The following PITRM1 variants were observed in gnomAD, a reference collection of about 807,000 sequenced individuals.
PITRM1 encodes presequence protease, mitochondrial.
PITRM1 carries 100 observed loss-of-function variants against 129.9 expected under a neutral mutation model. The ratio of observed to expected loss-of-function variants is 0.77; its 90% CI spans 0.65 to 0.91. The LOEUF (loss-of-function observed/expected upper bound fraction) is 0.91, where lower values mean the gene tolerates loss of function less well. Among genes scored for constraint, PITRM1 ranks in the 40% least tolerant of loss-of-function variants. The pLI is 0.00. For synonymous variants in PITRM1, 591 were observed against 508.8 expected, an observed-to-expected ratio of 1.16 and a Z score of -2.17; for missense variants, 1,471 against 1,318.3, an observed-to-expected ratio of 1.12 and a Z score of -1.79.
chr10:3,172,644 C>G (rs1843486497), intron 1 of PITRM1, 73 bp downstream of exon 1: 1 of 1,360,984 alleles, frequency 7.3e-7, no homozygotes, highest in Non-Finnish European at 9.8e-7. Context: ...AGGACCCCTA[C>G]GCCTCCGGCC....
intron 13 of PITRM1, 143 bp downstream of exon 13, chr10:3,156,782 TTAATG>T: frequency 3.6e-6 from 2 of 549,438 alleles, no homozygotes; most frequent in Non-Finnish European, 6.1e-6. Context: ...AATAATTAAG[TTAATG>T]TAAGCATTTA....
intron 25 of PITRM1, 63 bp downstream of exon 25, chr10:3,138,841 G>A (rs1839885961): frequency 6.5e-7 from 1 of 1,542,618 alleles, no homozygotes; most frequent in Admixed American, 1.7e-5. Flanking sequence ...CCGGGAACTT[G>A]GAAAACAGCA....
At chr10:3,155,206 G>C (rs1841875448) in intron 14 of PITRM1, among the ~76,000 whole-genome samples, 1 of 152,038 alleles carries the variant, frequency 6.6e-6, no homozygotes, top group African/African-American at 2.4e-5. Context: ...TCTGTGGCTG[G>C]CACACACCCG....
intron 8 of PITRM1, 86 bp from the exon 9 acceptor site, chr10:3,160,022 G>A (rs1588695855): frequency 7.2e-6 from 9 of 1,242,558 alleles, no homozygotes; most frequent in South Asian, 2.6e-5. Flanking sequence ...GAAATGGAGC[G>A]AAACAGGCTT....
chr10:3,171,875 TTCTCTCCAATTGTATTATATG>T (rs1410151186), intron 1 of PITRM1, among the ~76,000 whole-genome samples: 5 of 152,262 alleles, frequency 3.3e-5, no homozygotes, highest in Non-Finnish European at 5.9e-5. Context: ...GTAATTATTA[TTCTCTCCAATTGTATTATATG>T]TCGTATGGGA....
chr10:3,159,112 A>AT, intron 9 of PITRM1, 70 bp from the exon 10 acceptor site: 1 of 1,341,898 alleles, frequency 7.5e-7, no homozygotes, highest in South Asian at 1.4e-5. Context: ...CCTTATGCAC[A>AT]TTTTATTTAA....
chr10:3,138,298 T>C lies in PITRM1; in HGVS notation c.2957A>G (p.Lys986Arg). 6.2e-7 allele frequency: 1 copy of C among 1,613,816 alleles called. No homozygotes were observed. Among genetic ancestry groups the C allele is most frequent in the Non-Finnish European group, 8.5e-7 (1 of 1,179,762 alleles). Reference protein sequence around the residue: ...HFLYGLSDEMKQAHREQLFAV... With the variant: ...HFLYGLSDEMRQAHREQLFAV... ...AAAGAGCTGCTCTCTGTGGGCCTGC[T>C]TCATCTCATCCGAGAGGCCGTACAA... Residue 986 changes from lysine to arginine, a missense_variant, in exon 26 of 27, where the codon AAG becomes AGG. Transcript: ENST00000224949.
At chr10:3,171,645 G>C (rs192497382) in intron 1 of PITRM1, among the ~76,000 whole-genome samples, 159 of 152,302 alleles carry the variant, frequency 1.0e-3, no homozygotes, top group Middle Eastern at 6.8e-3. Flanking sequence ...CACCATGTCG[G>C]CCAGGCTGGT....
At chr10:3,166,148 T>C in intron 4 of PITRM1, 81 bp downstream of exon 4, 1 of 1,257,172 alleles carries the variant, frequency 8.0e-7, no homozygotes, top group Non-Finnish European at 1.1e-6. Flanking sequence ...CTCCCCTCAT[T>C]CCTTCTCAGA....
intron 6 of PITRM1, 21 bp from the exon 7 acceptor site, chr10:3,163,906 A>C: frequency 6.4e-7 from 1 of 1,550,556 alleles, no homozygotes; most frequent in Non-Finnish European, 8.8e-7. Context: ...AAAATAAATA[A>C]ATCATAAGTA....
intron 20 of PITRM1, 131 bp from the exon 21 acceptor site, chr10:3,145,847 A>C: frequency 5.5e-6 from 4 of 727,314 alleles, no homozygotes; most frequent in East Asian, 2.7e-5. Context: ...CAGCAGCCAA[A>C]TGTGGAAATG....
At position 3,149,713 on chromosome 10, in the gene PITRM1, A is replaced by T; in HGVS notation, c.1779T>A (p.Asn593Lys). 1 of 1,612,190 alleles carries T rather than the reference A, an allele frequency of 6.2e-7. No homozygotes were observed. The highest frequency in any genetic ancestry group is 1.1e-5 in the South Asian group (1 of 90,542). The change falls in exon 16 of 27, where the codon AAT (asparagine) becomes AAA (lysine). Residue 593 changes from asparagine (N) to lysine (K), a missense_variant. Asn to Lys is a moderately conservative substitution (Grantham distance 94, BLOSUM62 0). Coordinates refer to ENST00000224949, the MANE Select transcript of PITRM1 (RefSeq NM_014889.4). ...IPVQYCAQPT[N>K]GMVYFRAFSS... is the part of the protein sequence containing the mutation. ...AGAAGGCCCGGAAATACACCATGCC[A>T]TTGGTGGGCTGGGCGCAGTACTGAA...
At chr10:3,172,085 G>C in intron 1 of PITRM1, 2 of 412,460 alleles carry the variant, frequency 4.8e-6, no homozygotes, top group South Asian at 3.4e-5. Context: ...ACTTATCAAG[G>C]ACATGATAGG....
At chr10:3,172,592 C>T in intron 1 of PITRM1, 125 bp downstream of exon 1, 1 of 852,120 alleles carries the variant, frequency 1.2e-6, no homozygotes, top group Non-Finnish European at 1.7e-6. Context: ...GGGTGCGGGA[C>T]GCCCACAGCT....
intron 23 of PITRM1, among the ~76,000 whole-genome samples, chr10:3,141,963 A>G (rs1004019087): frequency 1.3e-5 from 2 of 152,222 alleles, no homozygotes; most frequent in African/African-American, 4.8e-5. Context: ...ATGGCGTTCC[A>G]TCCGTCCACA....
Position 3,156,981 on chromosome 10 carries a change from G to A in PITRM1, c.1431C>T (p.Cys477=). 1 of 1,607,356 alleles carries A rather than the reference G, an allele frequency of 6.2e-7. No homozygotes were observed. Among genetic ancestry groups the A allele is most frequent in the Non-Finnish European group, 8.5e-7 (1 of 1,177,660 alleles). Residue 477 remains cysteine, a synonymous_variant, in exon 13 of 27, where the codon TGC becomes TGT. Coordinates refer to ENST00000224949, the MANE Select transcript of PITRM1 (RefSeq NM_014889.4). ...LGNQLAKFRQ[C]LQENPKFLQE... is the part of the protein sequence containing the mutation. ...GCAAAAATTTTGGATTTTCCTGCAG[G>A]CACTGTCTGAATTTAGCTAACTGAT...
intron 16 of PITRM1, 90 bp downstream of exon 16, chr10:3,149,531 T>C: frequency 1.5e-6 from 2 of 1,291,304 alleles, no homozygotes; most frequent in Non-Finnish European, 2.1e-6. Context: ...TGTGATTCAC[T>C]GAAGGTAATT....
chr10:3,138,376 G>A (rs551464756), intron 25 of PITRM1, 39 bp from the exon 26 acceptor site: 23 of 1,401,374 alleles, frequency 1.6e-5, no homozygotes, highest in African/African-American at 4.2e-5. Context: ...GCCGCTGCCC[G>A]GGAGCTCGCG....
At chr10:3,140,089 T>TA (rs1840030046) in intron 24 of PITRM1, among the ~76,000 whole-genome samples, 1 of 152,148 alleles carries the variant, frequency 6.6e-6, no homozygotes, top group Non-Finnish European at 1.5e-5. Context: ...TTCCTATACC[T>TA]ATGATAAAGT....
Sources: gnomAD v4.1 joint callset for allele counts (sites outside exome capture counted in the v4.1 genomes callset) on GRCh38, gnomAD v4.1.1 for gene constraint, MANE v1.5 for transcripts, NCBI Gene and HGNC (gene_info 2026-07-23, HGNC 2026-07-21) for gene names.